KHDRBS3: variants seen among roughly 807,000 people sequenced by gnomAD.
The protein encoded by KHDRBS3 is KH RNA binding domain containing, signal transduction associated 3.
A neutral mutation model predicts 45.6 loss-of-function variants in KHDRBS3; 23 were observed. That is an observed-to-expected ratio of 0.50 (90% CI 0.36 to 0.72). The LOEUF is 0.72. KHDRBS3 is among the 30% of genes least tolerant of loss of function. KHDRBS3 has a pLI of 0.00. For synonymous variants in KHDRBS3, 162 were observed against 156.5 expected (o/e 1.04, Z -0.26); for missense variants, 352 against 424.8 (o/e 0.83, Z 1.51).
chr8:135,525,660 A>G (rs1825143145), intron 2 of KHDRBS3, among the ~76,000 whole-genome samples: 1 of 152,218 alleles, frequency 6.6e-6, no homozygotes, highest in South Asian at 2.1e-4. Flanking sequence ...TTGTAAACAG[A>G]AAATTACGTT....
At chr8:135,600,901 G>A (rs571807609) in intron 6 of KHDRBS3, among the ~76,000 whole-genome samples, 14 of 152,246 alleles carry the variant, frequency 9.2e-5, no homozygotes, top group Non-Finnish European at 1.9e-4. Context: ...AGATTTCTCC[G>A]TGTTGCCTAG....
chr8:135,542,339 A>T (rs895337799), intron 2 of KHDRBS3: 1 of 261,316 alleles, frequency 3.8e-6, no homozygotes, highest in Admixed American at 5.1e-5. Flanking sequence ...GTGTTCATTC[A>T]TGGTGATATT....
chr8:135,650,454 A>G (rs1463880767), downstream of KHDRBS3, among the ~76,000 whole-genome samples: 3 of 152,224 alleles, frequency 2.0e-5, no homozygotes, highest in East Asian at 1.9e-4. Context: ...AAAGCCAAGC[A>G]TGTGCTTATC....
rs151256499 is a variant in KHDRBS3 at position 135,477,369 on chromosome 8, G to A, written c.88+19415G>A. On this transcript the variant is annotated intron_variant, in intron 1 of 8. Transcript: ENST00000355849. ...ATCTTATTCACAGATTTTTGCTTCC[G>A]TTCTGCATATTCAACATGGTCACTT... Among the ~76,000 whole-genome samples the A allele has an allele frequency of 2.2e-4, 34 of 152,118 alleles. 1 individual carries two copies. In the South Asian group the frequency reaches 6.4e-3, roughly 29 times the overall value.
intron 7 of KHDRBS3, among the ~76,000 whole-genome samples, chr8:135,609,850 T>C (rs1415220248): frequency 6.6e-6 from 1 of 151,872 alleles, no homozygotes; most frequent in Non-Finnish European, 1.5e-5. Flanking sequence ...GTGATGTTTA[T>C]GGTTCGATTC....
exon 5 of KHDRBS3, chr8:135,656,493 T>C (rs1831534069): frequency 6.6e-6 from 1 of 152,222 alleles, no homozygotes; most frequent in African/African-American, 2.4e-5. Context: ...AAAGGCTGCC[T>C]ATTGAAATCT....
chr8:135,637,056 G>T (rs1195041129), intron 7 of KHDRBS3, among the ~76,000 whole-genome samples: 1 of 152,172 alleles, frequency 6.6e-6, no homozygotes, highest in Admixed American at 6.6e-5. Flanking sequence ...CTGGACTTTG[G>T]CTGTAACTCT....
Position 135,647,270 on chromosome 8 carries a change from A to G in KHDRBS3, c.*186A>G. 2.5e-6 allele frequency: 1 copy of G among 394,110 alleles called. No homozygotes were observed. 24.4% of individuals were successfully genotyped at this position (394,110 alleles called of 1,614,324 possible). A position where few individuals can be genotyped will look rare whatever the true frequency, so the allele number is the denominator to read the frequency against. On this transcript the variant is annotated 3_prime_UTR_variant, in exon 9 of 9. Transcript: ENST00000355849. ...GAAAAAAAAAAAAAAAGACATGTAA[A>G]ATTTTGTTATTTCCAGTCTGTATAT...
intron 1 of KHDRBS3, among the ~76,000 whole-genome samples, chr8:135,495,042 C>A (rs1000045108): frequency 6.6e-6 from 1 of 152,204 alleles, no homozygotes; most frequent in African/African-American, 2.4e-5. Flanking sequence ...CTCCCCTAGT[C>A]GTGCTTGTGA....
intron 2 of KHDRBS3, among the ~76,000 whole-genome samples, chr8:135,530,630 A>G (rs866012768): frequency 6.6e-6 from 1 of 152,204 alleles, no homozygotes; most frequent in South Asian, 2.1e-4. Context: ...ATACCCCACA[A>G]ACATCTTAGA....
At chr8:135,506,135 C>T (rs544795129) in intron 1 of KHDRBS3, among the ~76,000 whole-genome samples, 8 of 152,216 alleles carry the variant, frequency 5.3e-5, no homozygotes, top group African/African-American at 1.9e-4. Flanking sequence ...CTTGAGTATT[C>T]TTAAACGTTC....
chr8:135,620,269 T>G (rs961386255), intron 7 of KHDRBS3, among the ~76,000 whole-genome samples: 1 of 152,000 alleles, frequency 6.6e-6, no homozygotes, highest in African/African-American at 2.4e-5. Context: ...CTCAGCTAAT[T>G]TTCGTATTTT....
At chr8:135,505,366 C>T (rs1823940036) in intron 1 of KHDRBS3, among the ~76,000 whole-genome samples, 2 of 152,142 alleles carry the variant, frequency 1.3e-5, no homozygotes, top group South Asian at 2.1e-4. Context: ...TACCACTTCC[C>T]TGCCCTGCTT....
chr8:135,519,850 G>A (rs1015984925), intron 1 of KHDRBS3, among the ~76,000 whole-genome samples: 2 of 152,206 alleles, frequency 1.3e-5, no homozygotes, highest in Non-Finnish European at 2.9e-5. Flanking sequence ...AAGCTCCTCC[G>A]TGGTATTATG....
chr8:135,524,168 A>G (rs1298083451), intron 2 of KHDRBS3, among the ~76,000 whole-genome samples: 2 of 152,116 alleles, frequency 1.3e-5, no homozygotes, highest in Non-Finnish European at 2.9e-5. Flanking sequence ...GACATGCACC[A>G]CCATGCCTGG....
At chr8:135,516,696 C>G (rs1260642536) in intron 1 of KHDRBS3, among the ~76,000 whole-genome samples, 4 of 151,914 alleles carry the variant, frequency 2.6e-5, no homozygotes, top group Non-Finnish European at 4.4e-5. Flanking sequence ...AGGGTGTGCT[C>G]TAGCCTACTT....
Position 135,457,788 on chromosome 8 carries a change from C to G in KHDRBS3, c.-79C>G. On this transcript the variant is annotated 5_prime_UTR_variant, in exon 1 of 9. Coordinates refer to ENST00000355849, the MANE Select transcript of KHDRBS3 (RefSeq NM_006558.3). The surrounding 1 kb of genome is among the most constrained non-coding windows in gnomAD (Gnocchi z 4.4). ...GCCCCCGGGTCCCCGCCGCTGGGGGCGCGGGCGGGGTCGGGGGTTGCCGGG... is the reference window on the plus strand; with the variant it reads ...GCCCCCGGGTCCCCGCCGCTGGGGGGGCGGGCGGGGTCGGGGGTTGCCGGG... 1.3e-6 allele frequency: 1 copy of G among 789,142 alleles called. No individual in the cohort carries two copies. 48.9% of individuals were successfully genotyped at this position (789,142 alleles called of 1,614,324 possible). A position where few individuals can be genotyped will look rare whatever the true frequency, so the allele number is the denominator to read the frequency against.
In KHDRBS3 at chr8:135,542,743, G is replaced by A. The variant is rs1242899757; in HGVS notation, c.297G>A (p.Gly99=). 3 of 1,613,040 alleles carry A rather than the reference G, an allele frequency of 1.9e-6. No individual in the cohort carries two copies. Among genetic ancestry groups the A allele is most frequent in the African/African-American group, 1.3e-5 (1 of 74,902 alleles). ...EETLTKMSIL[G]KGSMRDKAKE... ...CCTTGACAAAAATGTCCATCCTTGG[G>A]AAAGGTTCCATGAGAGACAAGGCCA... is the stretch of plus-strand genomic sequence containing the variant. The change falls in exon 3 of 9, where the codon GGG becomes GGA. Residue 99 remains glycine (G), a synonymous_variant. Coordinates refer to ENST00000355849, the MANE Select transcript of KHDRBS3 (RefSeq NM_006558.3).
At chr8:135,630,501 G>GTATGTATGTATGTATGTATGTATA (rs1481628443) in intron 7 of KHDRBS3, among the ~76,000 whole-genome samples, 1 of 152,050 alleles carries the variant, frequency 6.6e-6, no homozygotes, top group Non-Finnish European at 1.5e-5. Flanking sequence ...ATGTATGTAT[G>GTATGTATGTATGTATGTATGTATA]TATATACAGA....
Sources: gnomAD v4.1 joint callset for allele counts (sites outside exome capture counted in the v4.1 genomes callset) on GRCh38, gnomAD v4.1.1 for gene constraint, Gnocchi (gnomAD v3.1) non-coding constraint, MANE v1.5 for transcripts, NCBI Gene and HGNC (gene_info 2026-07-23, HGNC 2026-07-21) for gene names.